CDH18: variants seen among roughly 807,000 people sequenced by gnomAD.
The protein encoded by CDH18 is cadherin 18.
In CDH18, 31 loss-of-function variants were observed where a neutral mutation model predicts 67.9. The ratio of observed to expected loss-of-function variants is 0.46; its 90% confidence interval spans 0.34 to 0.62. CDH18 has a LOEUF of 0.62. Among genes scored for constraint, CDH18 ranks in the 20% least tolerant of loss-of-function variants. The probability of loss-of-function intolerance (pLI) is 0.01; values close to 1 mark genes in which losing one functional copy is unlikely to be tolerated. For missense variants in CDH18, 890 were observed against 975.5 expected, an observed-to-expected ratio of 0.91 and a Z score of 1.17; for synonymous variants, 362 against 347.2, an observed-to-expected ratio of 1.04 and a Z score of -0.48.
At chr5:19,584,723 A>G (rs1375284797) in intron 7 of CDH18, among the ~76,000 whole-genome samples, 1 of 138,646 alleles carries the variant, frequency 7.2e-6, no homozygotes, top group East Asian at 2.3e-4. Context: ...GGAAGCTGGC[A>G]GATCGTTTGG....
At chr5:20,329,183 T>C (rs1177033631) in intron 1 of CDH18, among the ~76,000 whole-genome samples, 3 of 152,026 alleles carry the variant, frequency 2.0e-5, no homozygotes, top group Non-Finnish European at 4.4e-5. Context: ...CCTTAAATAA[T>C]GCAGGTCAGC....
chr5:20,536,964 C>A (rs1756760064), intron 1 of CDH18, among the ~76,000 whole-genome samples: 1 of 152,116 alleles, frequency 6.6e-6, no homozygotes, highest in South Asian at 2.1e-4. Context: ...TTAGCTAGGG[C>A]TGCCTACCTC....
chr5:20,265,565 G>A (rs1303303849), intron 1 of CDH18, among the ~76,000 whole-genome samples: 2 of 151,806 alleles, frequency 1.3e-5, no homozygotes, highest in Non-Finnish European at 2.9e-5. Flanking sequence ...CTTAGACCAA[G>A]ACTGAAGGAG....
At chr5:19,640,575 A>C (rs1753857597) in intron 5 of CDH18, among the ~76,000 whole-genome samples, 1 of 152,126 alleles carries the variant, frequency 6.6e-6, no homozygotes, top group Admixed American at 6.5e-5. Flanking sequence ...GAAACTAAAC[A>C]GCATTCTTTT....
At chr5:20,099,471 C>A (rs1746270017) in intron 2 of CDH18, among the ~76,000 whole-genome samples, 1 of 152,124 alleles carries the variant, frequency 6.6e-6, no homozygotes, top group African/African-American at 2.4e-5. Context: ...GGAGATATTT[C>A]TTTTAAACAT....
rs1770110658 is a variant in CDH18 at position 19,747,096 on chromosome 5, G to C, written c.369C>G (p.His123Gln). Residue 123 changes from histidine (H) to glutamine (Q), a missense_variant, in exon 4 of 13, where the codon CAC (histidine) becomes CAG (glutamine). Physicochemically the swap from His to Gln is conservative, Grantham distance 24. This residue lies in a region of CDH18 where 234 missense variants were observed against 307.4 expected (regional missense o/e 0.76). Transcript: ENST00000382275. ...CAATAGCTTGAGCATGAAGCACATA[G>C]TGGGTCTTCTGCTCTCTGTCTAGGC... ...TKSLDREQKT[H>Q]YVLHAQAIDR... is the part of the protein sequence containing the mutation. The C allele has an allele frequency of 1.2e-6, 2 of 1,614,100 alleles. No homozygotes were observed. The highest frequency in any genetic ancestry group is 1.7e-6 in the Non-Finnish European group (2 of 1,180,010).
chr5:19,658,247 C>T (rs1188627212), intron 5 of CDH18, among the ~76,000 whole-genome samples: 1 of 151,892 alleles, frequency 6.6e-6, no homozygotes, highest in Non-Finnish European at 1.5e-5. Context: ...ATGATCTTTC[C>T]TTCAAAGAAT....
rs2149936112 is a variant in CDH18 at position 19,571,573 on chromosome 5, C to T, written c.1253+6G>A. ...TCTATGTCTAAACGATTGAAGCATG[C>T]CATACCTTACTAAGCTGTTAGTACT... On this transcript the variant is annotated splice_donor_region_variant and intron_variant, in intron 8 of 12. Transcript: ENST00000382275. 2 of 1,613,170 alleles carry T rather than the reference C, an allele frequency of 1.2e-6. No homozygotes were observed. The highest frequency in any genetic ancestry group is 2.2e-5 in the East Asian group (1 of 44,852).
chr5:19,841,571 CAA>C (rs35296920), intron 2 of CDH18, among the ~76,000 whole-genome samples: 3 of 137,038 alleles, frequency 2.2e-5, no homozygotes, highest in African/African-American at 2.7e-5. Flanking sequence ...TCATGAATTT[CAA>C]AAAAAAAAAA....
intron 1 of CDH18, among the ~76,000 whole-genome samples, chr5:20,289,474 G>C (rs1359715737): frequency 6.6e-6 from 1 of 151,878 alleles, no homozygotes; most frequent in Non-Finnish European, 1.5e-5. Flanking sequence ...AAATTTTCAT[G>C]GGTATCTGTT....
intron 5 of CDH18, among the ~76,000 whole-genome samples, chr5:19,645,185 C>CA (rs1363230859): frequency 1.3e-5 from 2 of 151,954 alleles, no homozygotes; most frequent in Admixed American, 6.6e-5. Context: ...TTTATGAAGA[C>CA]AAAAAATGGA....
intron 1 of CDH18, among the ~76,000 whole-genome samples, chr5:20,451,634 TA>T (rs1303407180): frequency 6.6e-6 from 1 of 152,170 alleles, no homozygotes; most frequent in Non-Finnish European, 1.5e-5. Context: ...GAATATGGTC[TA>T]AAAATGGTAT....
At chr5:19,783,454 C>A (rs976515399) in intron 3 of CDH18, among the ~76,000 whole-genome samples, 6 of 152,210 alleles carry the variant, frequency 3.9e-5, no homozygotes, top group Admixed American at 2.0e-4. Context: ...TTTCAAACAT[C>A]AAAAGTGAGA....
intron 11 of CDH18, among the ~76,000 whole-genome samples, chr5:19,499,912 G>A (rs1579830130): frequency 6.6e-6 from 1 of 152,118 alleles, no homozygotes; most frequent in Admixed American, 6.6e-5. Context: ...CCTGGTTTCG[G>A]GGCTATGTCT....
intron 3 of CDH18, among the ~76,000 whole-genome samples, chr5:19,816,490 TA>T (rs1779299369): frequency 6.6e-6 from 1 of 151,856 alleles, no homozygotes; most frequent in African/African-American, 2.4e-5. Flanking sequence ...AATGTCTCCT[TA>T]GTTAAATTAT....
At chr5:20,179,351 G>T in intron 2 of CDH18, among the ~76,000 whole-genome samples, 1 of 152,116 alleles carries the variant, frequency 6.6e-6, no homozygotes, top group Non-Finnish European at 1.5e-5. Flanking sequence ...AATACATTAT[G>T]TCAAAACCAG....
intron 1 of CDH18, among the ~76,000 whole-genome samples, chr5:20,432,499 G>T (rs1315655221): frequency 6.6e-6 from 1 of 151,998 alleles, no homozygotes; most frequent in Non-Finnish European, 1.5e-5. Context: ...AGTCTTTATG[G>T]CTTAGATAAC....
intron 1 of CDH18, among the ~76,000 whole-genome samples, chr5:20,484,033 C>T (rs900479036): frequency 6.6e-6 from 1 of 151,982 alleles, no homozygotes; most frequent in Non-Finnish European, 1.5e-5. Context: ...AACTATCCAT[C>T]TGACAAAGGA....
intron 1 of CDH18, among the ~76,000 whole-genome samples, chr5:20,255,659 C>T (rs930427362): frequency 2.6e-5 from 4 of 151,514 alleles, no homozygotes; most frequent in Non-Finnish European, 4.4e-5. Context: ...GTTTGAACTG[C>T]GAGTTTTTTT....
Sources: allele counts gnomAD v4.1 joint callset (sites outside exome capture counted in the v4.1 genomes callset), GRCh38; gene constraint gnomAD v4.1.1; regional missense constraint gnomAD v4.1.1; transcripts MANE v1.5; gene names NCBI Gene and HGNC (gene_info 2026-07-23, HGNC 2026-07-21).